Variants in ZNF541 observed in about 807,000 individuals in gnomAD.
ZNF541 encodes the protein zinc finger protein 541.
In ZNF541, 23 loss-of-function variants were observed where a neutral mutation model predicts 123.5. That is an observed-to-expected ratio of 0.19 (90% confidence interval 0.13 to 0.26). The LOEUF is 0.26. ZNF541 is among the 10% of genes least tolerant of loss of function. The probability of loss-of-function intolerance (pLI) is 1.00; values close to 1 mark genes in which losing one functional copy is unlikely to be tolerated. For synonymous variants in ZNF541, 751 were observed against 754.5 expected (o/e 1.00, Z 0.08); for missense variants, 1,612 against 1,789.9 (o/e 0.90, Z 1.79).
In ZNF541 at chr19:47,556,100, C is replaced by T. The variant is rs562618299; in HGVS notation, c.-98-146G>A. On this transcript the variant is annotated intron_variant, in intron 2 of 16. Coordinates refer to ENST00000391901, the MANE Select transcript of ZNF541 (RefSeq NM_001277075.3). The stretch of plus-strand genomic sequence containing the variant: ...TGTGGCTTTGGGCAAGTCACTTAAG[C>T]TCCACGAGCCCCAGGTGCCTCATCT... 7.2e-5 allele frequency among the ~76,000 whole-genome samples: 11 copies of T among 152,328 alleles called. No homozygotes were observed. The East Asian group carries it at 1.3e-3, about 19-fold the overall frequency.
At chr19:47,567,500 T>C (rs1273999831) in intron 2 of ZNF541, among the ~76,000 whole-genome samples, 1 of 152,202 alleles carries the variant, frequency 6.6e-6, no homozygotes, top group Admixed American at 6.6e-5. Flanking sequence ...CCTCAAATGA[T>C]CCGCCCTCCT....
In ZNF541 at chr19:47,544,902, G is replaced by C; in HGVS notation, c.1627C>G (p.Leu543Val). ...DASPLFRQLF[L>V]KSQEPLVSHE... Reference sequence around the variant, plus strand: ...CTCACAAGAGGTTCCTGCGACTTGAGGAAGAGCTGGCGGAAGAGCGGCGAG... The same window carrying C: ...CTCACAAGAGGTTCCTGCGACTTGACGAAGAGCTGGCGGAAGAGCGGCGAG... The change falls in exon 5 of 17, where the codon CTC becomes GTC. Residue 543 changes from leucine (L) to valine (V), a missense_variant. By Grantham distance (32) the Leu-to-Val change is conservative. Coordinates refer to ENST00000391901, the MANE Select transcript of ZNF541 (RefSeq NM_001277075.3). 6.5e-7 allele frequency: 1 copy of C among 1,536,024 alleles called. No homozygotes were observed. Among genetic ancestry groups the C allele is most frequent in the Non-Finnish European group, 8.7e-7 (1 of 1,146,700 alleles).
intron 13 of ZNF541, among the ~76,000 whole-genome samples, chr19:47,529,242 G>C (rs1422874263): frequency 1.3e-5 from 2 of 152,200 alleles, no homozygotes; most frequent in Non-Finnish European, 2.9e-5. Context: ...GGCTTCAGTC[G>C]CTTGCTAAAG....
rs1302072608 is a variant in ZNF541, at chr19:47,544,221, C to T, written c.2308G>A (p.Ala770Thr). ...EKAKMDMCCA[A>T]SPSQVAMASF... is the part of the protein sequence containing the mutation. ...GCCATGGCTACCTGGCTCGGAGAAG[C>T]CGCACAGCACATATCCATCTTCGCC... Residue 770 changes from alanine to threonine, a missense_variant, in exon 5 of 17, where the codon GCT (alanine) becomes ACT (threonine). Physicochemically the swap from Ala to Thr is moderately conservative, Grantham distance 58. Coordinates refer to ENST00000391901, the MANE Select transcript of ZNF541 (RefSeq NM_001277075.3). 1.3e-6 allele frequency: 2 copies of T among 1,551,600 alleles called. No individual in the cohort carries two copies. Among genetic ancestry groups the T allele is most frequent in the Non-Finnish European group, 1.7e-6 (2 of 1,147,000 alleles).
intron 2 of ZNF541, among the ~76,000 whole-genome samples, chr19:47,563,691 C>A (rs2123380782): frequency 6.6e-6 from 1 of 152,298 alleles, no homozygotes; most frequent in East Asian, 1.9e-4. Context: ...ACTGCAACCT[C>A]TGCCTCCTGG....
In ZNF541 at chr19:47,538,220, C is replaced by T. The variant is rs1969913650; in HGVS notation, c.3016G>A (p.Gly1006Ser). The T allele has an allele frequency of 1.3e-6, 2 of 1,551,504 alleles. No individual in the cohort carries two copies. Among genetic ancestry groups the T allele is most frequent in the South Asian group, 2.4e-5 (2 of 84,064 alleles). The change falls in exon 9 of 17, where the codon GGC becomes AGC. Residue 1006 changes from glycine (G) to serine (S), a missense_variant. Coordinates refer to ENST00000391901, the MANE Select transcript of ZNF541 (RefSeq NM_001277075.3). ...AGGGTGTTGAAGTACACCCCAGAGC[C>T]CTCCCGGATGGGGCTGAGCATTGGG... Reference protein sequence around the residue: ...PPPMLSPIREGSGVYFNTLCS... With the variant: ...PPPMLSPIRESSGVYFNTLCS...
In ZNF541 at chr19:47,572,715, G is replaced by A. The variant is rs570368364; in HGVS notation, c.-246+368C>T. Among the ~76,000 whole-genome samples, 12 of 151,822 alleles carry A rather than the reference G, an allele frequency of 7.9e-5. No homozygotes were observed. In the South Asian group the frequency reaches 2.5e-3, roughly 31 times the overall value. On this transcript the variant is annotated intron_variant, in intron 1 of 16. Transcript: ENST00000391901. The stretch of plus-strand genomic sequence containing the variant: ...CAGATGCAGAAGGTGGGGAGGTCGG[G>A]TAGGGCCCGCGGCGCGAGCTGGGGG...
intron 4 of ZNF541, among the ~76,000 whole-genome samples, chr19:47,546,799 G>A (rs552546410): frequency 6.6e-5 from 10 of 152,250 alleles, no homozygotes; most frequent in African/African-American, 2.4e-4. Context: ...TCGGCTCACT[G>A]CAACTCTGCC....
chr19:47,525,053 G>A (rs1351713594), intron 14 of ZNF541, among the ~76,000 whole-genome samples: 1 of 152,118 alleles, frequency 6.6e-6, no homozygotes, highest in Non-Finnish European at 1.5e-5. Flanking sequence ...GGGAGGCTGA[G>A]GCAGGTAGAT....
chr19:47,555,828 C>A lies in ZNF541; in HGVS notation c.29G>T (p.Gly10Val), dbSNP rs991215110. 23 of 1,551,222 alleles carry A rather than the reference C, an allele frequency of 1.5e-5. No individual in the cohort carries two copies. The African/African-American group carries it at 2.9e-4, about 19-fold the overall frequency. Reference protein sequence around the residue: MDQYSLGDEGALPSEMHLPS... With the variant: MDQYSLGDEVALPSEMHLPS... ...GAGGTGCATTTCTGATGGGAGGGCACCCTCGTCTCCAAGGCTGTACTGGTC... is the reference window on the plus strand; with the variant it reads ...GAGGTGCATTTCTGATGGGAGGGCAACCTCGTCTCCAAGGCTGTACTGGTC... Residue 10 changes from glycine to valine, a missense_variant, in exon 3 of 17, where the codon GGT (glycine) becomes GTT (valine). Coordinates refer to ENST00000391901, the MANE Select transcript of ZNF541 (RefSeq NM_001277075.3).
At chr19:47,540,447 T>TC in intron 6 of ZNF541, 112 bp from the exon 7 acceptor site, 1 of 1,236,112 alleles carries the variant, frequency 8.1e-7, no homozygotes, top group South Asian at 1.7e-5. Flanking sequence ...ACTGACTTTT[T>TC]TTTTTTTTTG....
chr19:47,570,576 T>TAAA (rs35955168), intron 2 of ZNF541, among the ~76,000 whole-genome samples: 7 of 58,834 alleles, frequency 1.2e-4, no homozygotes, highest in Admixed American at 8.7e-4. Context: ...GACTCTGTCC[T>TAAA]AAAAAAAAAA....
chr19:47,556,886 T>C (rs1233994714), intron 2 of ZNF541, among the ~76,000 whole-genome samples: 1 of 151,638 alleles, frequency 6.6e-6, no homozygotes, highest in Non-Finnish European at 1.5e-5. Context: ...GCATCCCAAG[T>C]AGCTGGGACT....
Position 47,528,978 on chromosome 19 carries a change from T to C in ZNF541, c.3542A>G (p.Lys1181Arg), listed in dbSNP as rs1367522367. 5.2e-6 allele frequency: 8 copies of C among 1,551,678 alleles called. No homozygotes were observed. Among genetic ancestry groups the C allele is most frequent in the Non-Finnish European group, 6.1e-6 (7 of 1,146,960 alleles). ...RLFKKAFYAH[K>R]KDFYLIHKMI... ...CTTGTGTATCAAGTAGAAGTCCTTC[T>C]TGTGGGCATAGAACGCCTTCTTAAA... The change falls in exon 14 of 17, where the codon AAG (lysine) becomes AGG (arginine). Residue 1181 changes from lysine (K) to arginine (R), a missense_variant. Lys to Arg is a conservative substitution (Grantham distance 26). Coordinates refer to ENST00000391901, the MANE Select transcript of ZNF541 (RefSeq NM_001277075.3).
At chr19:47,541,778 T>C (rs1288902201) in intron 5 of ZNF541, among the ~76,000 whole-genome samples, 1 of 152,146 alleles carries the variant, frequency 6.6e-6, no homozygotes, top group African/African-American at 2.4e-5. Flanking sequence ...AGTGAGGACA[T>C]GGAGAATGTG....
Position 47,544,179 on chromosome 19 carries a change from C to T in ZNF541, c.2350G>A (p.Gly784Arg), listed in dbSNP as rs2123120198. The T allele has an allele frequency of 1.9e-6, 3 of 1,551,274 alleles. No individual in the cohort carries two copies. Among genetic ancestry groups the T allele is most frequent in the Admixed American group, 2.0e-5 (1 of 50,966 alleles). ...QVAMASFSSA[G>R]PPADPSKSKL... ...GACTTGGAGGGATCTGCCGGGGGCC[C>T]GGCCGATGAGAAGGAGGCCATGGCT... The change falls in exon 5 of 17, where the codon GGG becomes AGG. Residue 784 changes from glycine to arginine, a missense_variant. Gly to Arg is a moderately radical substitution (Grantham distance 125). This residue lies in a region of ZNF541 where 1,080 missense variants were observed against 1,013.8 expected (regional missense o/e 1.07). Transcript: ENST00000391901.
chr19:47,533,736 G>C (rs939037321), intron 9 of ZNF541, among the ~76,000 whole-genome samples: 1 of 152,130 alleles, frequency 6.6e-6, no homozygotes, highest in African/African-American at 2.4e-5. Context: ...CCAGCTACTT[G>C]GGAGGCTGAG....
intron 2 of ZNF541, among the ~76,000 whole-genome samples, chr19:47,568,436 C>A (rs529363539): frequency 6.6e-6 from 1 of 152,184 alleles, no homozygotes; most frequent in African/African-American, 2.4e-5. Flanking sequence ...CTCCACCTCG[C>A]GGATTCAAGC....
rs970207355 is a variant in ZNF541 at position 47,532,130 on chromosome 19, C to T, written c.3299G>A (p.Arg1100Lys). ...TTTAGCCCCAAAGCCTCAGCCACCT[C>T]TATCCTGTGTCTCTGAGCTGATCAT... Reference protein sequence around the residue: ...DMMISSETQDRVTELCNVACS... With the variant: ...DMMISSETQDKVTELCNVACS... Residue 1100 changes from arginine (R) to lysine (K), a missense_variant and splice_region_variant, in exon 11 of 17, where the codon AGA (arginine) becomes AAA (lysine). Transcript: ENST00000391901. 6.4e-7 allele frequency: 1 copy of T among 1,551,724 alleles called. No individual in the cohort carries two copies. Among genetic ancestry groups the T allele is most frequent in the Non-Finnish European group, 8.7e-7 (1 of 1,147,004 alleles).
Sources: gnomAD v4.1 joint callset for allele counts (sites outside exome capture counted in the v4.1 genomes callset) on GRCh38, gnomAD v4.1.1 for gene constraint, gnomAD v4.1.1 regional missense constraint, MANE v1.5 for transcripts, NCBI Gene and HGNC (gene_info 2026-07-23, HGNC 2026-07-21) for gene names.